The following MIS18BP1 variants were observed in gnomAD, a reference collection of about 807,000 sequenced individuals.
MIS18BP1 encodes mis18-binding protein 1.
Under a neutral mutation model 116.1 loss-of-function variants are expected in MIS18BP1, and 72 were observed. That is an observed-to-expected ratio of 0.62 (90% CI 0.51 to 0.75). The LOEUF is 0.75. Among genes scored for constraint, MIS18BP1 ranks in the 30% least tolerant of loss-of-function variants. The pLI is 0.00. For missense variants in MIS18BP1, 1,363 were observed against 1,303.2 expected, an observed-to-expected ratio of 1.05 and a Z score of -0.71; for synonymous variants, 386 against 427.0, an observed-to-expected ratio of 0.90 and a Z score of 1.18.
rs142747434 is a variant in MIS18BP1, at chr14:45,242,332, T to G, written c.845A>C (p.Asn282Thr). The G allele has an allele frequency of 9.2e-4, 1,488 of 1,613,970 alleles. 11 individuals are homozygous for G. The highest frequency in any genetic ancestry group is 3.4e-4 in the Non-Finnish European group (406 of 1,179,982). Residue 282 changes from asparagine to threonine, a missense_variant, in exon 4 of 17, where the codon AAT becomes ACT. Physicochemically the swap from Asn to Thr is moderately conservative, Grantham distance 65 (BLOSUM62 0). Transcript: ENST00000310806. ...AGTACTGAGAGTCTCAGCATTAGTA[T>G]TTTGAAATTGTTCATCAGCAGAATC... ...SVDSADEQFQ[N>T]TNAETLSTNC...
At chr14:45,248,572 TA>T (rs893797939) in intron 1 of MIS18BP1, among the ~76,000 whole-genome samples, 7 of 151,026 alleles carry the variant, frequency 4.6e-5, no homozygotes, top group East Asian at 1.9e-4. Flanking sequence ...CATATAAACA[TA>T]AAAAAAAACT....
intron 1 of MIS18BP1, among the ~76,000 whole-genome samples, chr14:45,251,719 C>T (rs548746363): frequency 1.3e-5 from 2 of 151,764 alleles, no homozygotes; most frequent in South Asian, 4.2e-4. Context: ...ATATACAAAA[C>T]AGAAAATGGT....
chr14:45,228,850 T>C (rs1045169080), intron 8 of MIS18BP1, among the ~76,000 whole-genome samples: 3 of 152,188 alleles, frequency 2.0e-5, no homozygotes, highest in Admixed American at 6.5e-5. Flanking sequence ...AGGCAAATCA[T>C]TAAAACACAT....
chr14:45,241,578 C>T (rs1434439824), intron 4 of MIS18BP1: 2 of 152,820 alleles, frequency 1.3e-5, no homozygotes, highest in African/African-American at 4.8e-5. Flanking sequence ...AGAATTTGTC[C>T]TAATGTAACA....
chr14:45,231,190 ATC>A lies in MIS18BP1; in HGVS notation c.1543_1544del (p.Asp515TyrfsTer12). 3 of 1,614,008 alleles carry A rather than the reference ATC, an allele frequency of 1.9e-6. No individual in the cohort carries two copies. Among genetic ancestry groups the A allele is most frequent in the Non-Finnish European group, 2.5e-6 (3 of 1,179,946 alleles). The part of the protein sequence containing the change: ...MKNDARENQT[D>X]TAQRATTTYD... ...AAGTGGTGGTGGCTCTTTGAGCAGTATCTGTTTGGTTTTCTCGTGCATCATTT... is the reference window on the plus strand; with the variant it reads ...AAGTGGTGGTGGCTCTTTGAGCAGTATGTTTGGTTTTCTCGTGCATCATTT... On this transcript the variant is annotated frameshift_variant, in exon 8 of 17. Transcript: ENST00000310806. LOFTEE classifies it high-confidence loss of function.
rs769283463 is a variant in MIS18BP1, at chr14:45,242,401, G to A, written c.776C>T (p.Ala259Val). ...QIFHSKESIV[A>V]TTKSKKDTFV... ...CGTGTCCTTTTTGGATTTAGTGGTT[G>A]CAACTATACTCTCCTTTGAGTGAAA... Residue 259 changes from alanine (A) to valine (V), a missense_variant, in exon 4 of 17, where the codon GCA becomes GTA. Transcript: ENST00000310806. The A allele has an allele frequency of 5.6e-6, 9 of 1,614,010 alleles. No individual in the cohort carries two copies. The highest frequency in any genetic ancestry group is 2.2e-5 in the East Asian group (1 of 44,870).
chr14:45,245,502 T>C (rs1481067186), intron 2 of MIS18BP1, among the ~76,000 whole-genome samples: 2 of 152,020 alleles, frequency 1.3e-5, no homozygotes, highest in East Asian at 1.9e-4. Context: ...GTAGCTGGGA[T>C]TACAAGCATG....
intron 11 of MIS18BP1, among the ~76,000 whole-genome samples, chr14:45,223,492 G>A (rs527546604): frequency 2.0e-5 from 3 of 152,180 alleles, no homozygotes; most frequent in African/African-American, 7.2e-5. Flanking sequence ...CAGGAGAATC[G>A]CTTGAACCCG....
intron 11 of MIS18BP1, among the ~76,000 whole-genome samples, chr14:45,222,024 C>T (rs573590494): frequency 1.3e-5 from 2 of 152,232 alleles, no homozygotes; most frequent in South Asian, 4.1e-4. Context: ...TATTTTCTTC[C>T]TACTAAAGTC....
chr14:45,230,077 C>A (rs1891233734), intron 8 of MIS18BP1, among the ~76,000 whole-genome samples: 1 of 152,158 alleles, frequency 6.6e-6, no homozygotes, highest in Non-Finnish European at 1.5e-5. Flanking sequence ...ACATTTATAT[C>A]CAGTATGGTG....
At chr14:45,204,295 TGCTAAGTCTGTCCAC>T in intron 16 of MIS18BP1, 83 bp from the exon 17 acceptor site, 4 of 1,534,900 alleles carry the variant, frequency 2.6e-6, no homozygotes, top group Non-Finnish European at 3.5e-6. Flanking sequence ...AGGAATAAAA[TGCTAAGTCTGTCCAC>T]TTGAGAGCAA....
At position 45,218,390 on chromosome 14, in the gene MIS18BP1, A is replaced by C. The variant is rs746500800; in HGVS notation, c.2734T>G (p.Ser912Ala). ...FWSEVAAAVG[S>A]RSPEECQRKY... ...CTCTGGCATTCTTCAGGAGATCGAG[A>C]ACCTACAGCCGCAGCTACCTCTGAC... The change falls in exon 12 of 17, where the codon TCT becomes GCT. Residue 912 changes from serine to alanine, a missense_variant. Coordinates refer to ENST00000310806, the MANE Select transcript of MIS18BP1 (RefSeq NM_018353.5). The C allele has an allele frequency of 6.2e-7, 1 of 1,613,984 alleles. No homozygotes were observed. Among genetic ancestry groups the C allele is most frequent in the South Asian group, 1.1e-5 (1 of 91,058 alleles).
Position 45,214,840 on chromosome 14 carries a change from C to T in MIS18BP1, c.3003+2179G>A, listed in dbSNP as rs565993631. ...CTTCTCAGCTCACTGCAACCTCCCA[C>T]TCCTGGGTTCAAGCGATTATCTCAC... On this transcript the variant is annotated intron_variant, in intron 13 of 16. Coordinates refer to ENST00000310806, the MANE Select transcript of MIS18BP1 (RefSeq NM_018353.5). 3.3e-5 allele frequency among the ~76,000 whole-genome samples: 5 copies of T among 152,322 alleles called. No homozygotes were observed. The South Asian group carries it at 1.0e-3, about 32-fold the overall frequency.
chr14:45,224,260 C>G lies in MIS18BP1; in HGVS notation c.2327G>C (p.Ser776Thr), dbSNP rs931750623. Residue 776 changes from serine (S) to threonine (T), a missense_variant, in exon 11 of 17, where the codon AGT becomes ACT. By Grantham distance (58) the Ser-to-Thr change is moderately conservative (BLOSUM62 1). Coordinates refer to ENST00000310806, the MANE Select transcript of MIS18BP1 (RefSeq NM_018353.5). ...CCTTTTAATTTCCTTTTCTGTTTCACTTTCTTCACTTGACAAATCTGGTGA... is the reference window on the plus strand; with the variant it reads ...CCTTTTAATTTCCTTTTCTGTTTCAGTTTCTTCACTTGACAAATCTGGTGA... ...QSSPDLSSEE[S>T]ETEKEIKRKA... 2 of 1,613,756 alleles carry G rather than the reference C, an allele frequency of 1.2e-6. No homozygotes were observed. Among genetic ancestry groups the G allele is most frequent in the Admixed American group, 3.3e-5 (2 of 60,006 alleles).
chr14:45,224,317 T>C lies in MIS18BP1; in HGVS notation c.2270A>G (p.Gln757Arg). 6.2e-7 allele frequency: 1 copy of C among 1,613,932 alleles called. No homozygotes were observed. The highest frequency in any genetic ancestry group is 1.1e-5 in the South Asian group (1 of 91,062). The change falls in exon 11 of 17, where the codon CAG becomes CGG. Residue 757 changes from glutamine to arginine, a missense_variant. Gln to Arg is a conservative substitution (Grantham distance 43, BLOSUM62 1). Transcript: ENST00000310806. ...ATGCTTATAAAATGACATAGCTACC[T>C]GATTTTCTATTTTCTTCAATTTTGG... ...LLPKLKKIEN[Q>R]VAMSFYKHQS... is the part of the protein sequence containing the mutation.
intron 6 of MIS18BP1, among the ~76,000 whole-genome samples, chr14:45,235,556 C>T (rs1411220590): frequency 5.5e-5 from 8 of 146,072 alleles, no homozygotes; most frequent in Non-Finnish European, 1.0e-4. Context: ...TGCCACTGCA[C>T]TCCAGCCTGG....
At position 45,224,337 on chromosome 14, in the gene MIS18BP1, T is replaced by A; in HGVS notation, c.2250A>T (p.Lys750Asn). ...DFKKNTRLLP[K>N]LKKIENQVAM... is the part of the protein sequence containing the mutation. ...CTACCTGATTTTCTATTTTCTTCAA[T>A]TTTGGTAATAGTCTGGTATTTTTCT... The change falls in exon 11 of 17, where the codon AAA (lysine) becomes AAT (asparagine). Residue 750 changes from lysine to asparagine, a missense_variant. Transcript: ENST00000310806. 1 of 1,613,964 alleles carries A rather than the reference T, an allele frequency of 6.2e-7. No individual in the cohort carries two copies. Among genetic ancestry groups the A allele is most frequent in the Non-Finnish European group, 8.5e-7 (1 of 1,179,960 alleles).
intron 9 of MIS18BP1, among the ~76,000 whole-genome samples, chr14:45,227,321 A>G (rs1361565387): frequency 3.3e-5 from 5 of 152,062 alleles, no homozygotes; most frequent in Non-Finnish European, 7.4e-5. Context: ...AGCCTGGCCA[A>G]TATGGTGAAA....
intron 8 of MIS18BP1, 91 bp from the exon 9 acceptor site, chr14:45,227,905 G>GAGCCACCACACCTA: frequency 1.5e-6 from 2 of 1,310,828 alleles, no homozygotes; most frequent in Non-Finnish European, 2.1e-6. Context: ...CGCTAGGTGT[G>GAGCCACCACACCTA]GTGGCTCACG....
Sources: allele counts gnomAD v4.1 joint callset (sites outside exome capture counted in the v4.1 genomes callset), GRCh38; gene constraint gnomAD v4.1.1; transcripts MANE v1.5; gene names NCBI Gene and HGNC (gene_info 2026-07-23, HGNC 2026-07-21).